PPM1L: variants seen among roughly 807,000 people sequenced by gnomAD.
PPM1L encodes protein phosphatase 1L.
Under a neutral mutation model 31.4 loss-of-function variants are expected in PPM1L, and 13 were observed. The ratio of observed to expected loss-of-function variants is 0.41; its 90% CI spans 0.27 to 0.66. The LOEUF is 0.66. Among genes scored for constraint, PPM1L ranks in the 30% least tolerant of loss-of-function variants. The pLI is 0.29. For synonymous variants in PPM1L, 184 were observed against 175.4 expected (o/e 1.05, Z -0.39); for missense variants, 326 against 453.7 (o/e 0.72, Z 2.56).
intron 1 of PPM1L, among the ~76,000 whole-genome samples, chr3:160,957,272 G>A (rs947414743): frequency 2.0e-5 from 3 of 152,200 alleles, no homozygotes; most frequent in Admixed American, 6.5e-5. Flanking sequence ...CATGGTGAAT[G>A]TGTACTACAT....
At position 160,756,563 on chromosome 3, in the gene PPM1L, C is replaced by T; in HGVS notation, c.255C>T (p.Thr85=). The change falls in exon 1 of 4, where the codon ACC becomes ACT. Residue 85 remains threonine (T), a synonymous_variant. Coordinates refer to ENST00000498165, the MANE Select transcript of PPM1L (RefSeq NM_139245.4). This position sits in a 1 kb window ranked among gnomAD's most constrained non-coding sequence, Gnocchi z 6.2. ...TGCTCGAGGCCGAGTTTTCCAAGAC[C>T]TGGGAGTTCAAGAACCACAACGTGG... ...LDVLEAEFSK[T]WEFKNHNVAV... is the part of the protein sequence containing the mutation. The T allele has an allele frequency of 6.2e-7, 1 of 1,614,128 alleles. No individual in the cohort carries two copies. The highest frequency in any genetic ancestry group is 8.5e-7 in the Non-Finnish European group (1 of 1,180,030).
chr3:160,790,971 G>A (rs1712087872), intron 1 of PPM1L, among the ~76,000 whole-genome samples: 1 of 152,126 alleles, frequency 6.6e-6, no homozygotes, highest in African/African-American at 2.4e-5. Context: ...GTGTTCATGG[G>A]AGGAGGATTC....
intron 1 of PPM1L, among the ~76,000 whole-genome samples, chr3:160,898,708 C>G (rs1483208217): frequency 6.6e-6 from 1 of 152,162 alleles, no homozygotes; most frequent in Non-Finnish European, 1.5e-5. Flanking sequence ...TTCAATTCAG[C>G]AGACATTCAT....
intron 1 of PPM1L, among the ~76,000 whole-genome samples, chr3:160,893,603 A>G (rs1356856943): frequency 6.6e-6 from 1 of 152,172 alleles, no homozygotes; most frequent in African/African-American, 2.4e-5. Flanking sequence ...GCCCCAATAA[A>G]TTGGTCAGTC....
intron 1 of PPM1L, among the ~76,000 whole-genome samples, chr3:160,909,960 G>A (rs1447627): frequency 0.027 from 4,076 of 152,164 alleles, 147 homozygotes; most frequent in African/African-American, 0.078. Flanking sequence ...TTAATACCCC[G>A]TAATCCTGGG....
intron 2 of PPM1L, among the ~76,000 whole-genome samples, chr3:161,063,404 A>G (rs1719630814): frequency 6.6e-6 from 1 of 152,212 alleles, no homozygotes; most frequent in African/African-American, 2.4e-5. Context: ...ATATCTGATC[A>G]AGGCATTTTT....
chr3:160,998,559 T>C (rs1717394216), intron 2 of PPM1L, among the ~76,000 whole-genome samples: 1 of 152,142 alleles, frequency 6.6e-6, no homozygotes, highest in African/African-American at 2.4e-5. Flanking sequence ...AAAATGACTT[T>C]CCTGAGGGAG....
intron 2 of PPM1L, among the ~76,000 whole-genome samples, chr3:160,986,054 A>G (rs1397340696): frequency 2.0e-5 from 3 of 152,164 alleles, no homozygotes; most frequent in Admixed American, 2.0e-4. Context: ...TGTATTATAT[A>G]GTAAAAACTA....
chr3:160,833,061 C>T (rs1421963592), intron 1 of PPM1L, among the ~76,000 whole-genome samples: 1 of 152,164 alleles, frequency 6.6e-6, no homozygotes, highest in Non-Finnish European at 1.5e-5. Context: ...AAGATAATGT[C>T]TTCCAGCTTC....
intron 1 of PPM1L, among the ~76,000 whole-genome samples, chr3:160,761,826 C>T (rs1046264959): frequency 3.3e-5 from 5 of 151,500 alleles, no homozygotes; most frequent in East Asian, 1.9e-4. Flanking sequence ...GGTGGCAGAC[C>T]GGAGAAGAAG....
chr3:161,007,876 G>C (rs773831054), intron 2 of PPM1L, among the ~76,000 whole-genome samples: 4 of 152,112 alleles, frequency 2.6e-5, no homozygotes, highest in African/African-American at 9.7e-5. Flanking sequence ...GGTAATAAGA[G>C]GGAGAAGATA....
chr3:160,868,745 G>A (rs1459503353), intron 1 of PPM1L, among the ~76,000 whole-genome samples: 3 of 151,092 alleles, frequency 2.0e-5, no homozygotes, highest in Non-Finnish European at 4.4e-5. Flanking sequence ...CTTGTAGAAA[G>A]CGATCTGTAT....
At position 160,806,825 on chromosome 3, in the gene PPM1L, A is replaced by G. The variant is rs140766950; in HGVS notation, c.399+50118A>G. On this transcript the variant is annotated intron_variant, in intron 1 of 3. Coordinates refer to ENST00000498165, the MANE Select transcript of PPM1L (RefSeq NM_139245.4). Reference sequence around the variant, plus strand: ...AAGAGAGCAAAGAGAAAGAAAAAGAAAAGAAAGAAAGAAGGAAAGAAGGAA... The same window carrying G: ...AAGAGAGCAAAGAGAAAGAAAAAGAGAAGAAAGAAAGAAGGAAAGAAGGAA... Among the ~76,000 whole-genome samples, 753 of 151,296 alleles carry G rather than the reference A, an allele frequency of 5.0e-3. 8 individuals are homozygous for G. The highest frequency in any genetic ancestry group is 0.017 in the African/African-American group (718 of 41,270).
intron 2 of PPM1L, among the ~76,000 whole-genome samples, chr3:161,056,700 G>C (rs978087727): frequency 2.0e-5 from 3 of 151,874 alleles, no homozygotes; most frequent in Non-Finnish European, 2.9e-5. Context: ...CATTTCTTTC[G>C]CTCCTACCCC....
chr3:160,987,254 A>G (rs577623454), intron 2 of PPM1L, among the ~76,000 whole-genome samples: 43 of 152,304 alleles, frequency 2.8e-4, no homozygotes, highest in African/African-American at 1.0e-3. Context: ...TCTATGTTGT[A>G]TCATAAAGTT....
intron 1 of PPM1L, among the ~76,000 whole-genome samples, chr3:160,809,281 C>T (rs1161952786): frequency 1.3e-5 from 2 of 152,136 alleles, no homozygotes; most frequent in Non-Finnish European, 2.9e-5. Context: ...TGAAGAAATG[C>T]CAAGGAAATT....
At chr3:160,767,609 G>A (rs1007181051) in intron 1 of PPM1L, among the ~76,000 whole-genome samples, 1 of 152,184 alleles carries the variant, frequency 6.6e-6, no homozygotes, top group Non-Finnish European at 1.5e-5. Flanking sequence ...CTCTGGAGTA[G>A]TAAACACTTA....
At position 161,078,105 on chromosome 3, in the gene PPM1L, T is replaced by C. The variant is rs1203947921; in HGVS notation, c.*8948T>C. The C allele has an allele frequency of 1.3e-5, 2 of 152,136 alleles. No individual in the cohort carries two copies. Among genetic ancestry groups the C allele is most frequent in the Non-Finnish European group, 2.9e-5 (2 of 68,042 alleles). The allele number at this position is 152,136 out of a possible 1,614,324, so 9.4% of individuals were successfully genotyped here. On this transcript the variant is annotated 3_prime_UTR_variant, in exon 4 of 4. Coordinates refer to ENST00000498165, the MANE Select transcript of PPM1L (RefSeq NM_139245.4). ...TTTTGTTTTTAATCATGAGCACATA[T>C]AAAAGGAAATTCAAATGAAACCAAG...
chr3:160,900,243 T>A (rs1391702274), intron 1 of PPM1L, among the ~76,000 whole-genome samples: 3 of 152,118 alleles, frequency 2.0e-5, no homozygotes, highest in East Asian at 1.9e-4. Flanking sequence ...CATCAGATGG[T>A]CTTTTAAACA....
Sources: allele counts gnomAD v4.1 joint callset (sites outside exome capture counted in the v4.1 genomes callset), GRCh38; gene constraint gnomAD v4.1.1; non-coding constraint Gnocchi (gnomAD v3.1); transcripts MANE v1.5; gene names NCBI Gene and HGNC (gene_info 2026-07-23, HGNC 2026-07-21).